The following ERMARD variants were observed in gnomAD, a reference collection of about 807,000 sequenced individuals.
The protein encoded by ERMARD is ER membrane associated RNA degradation.
In ERMARD, 71 loss-of-function variants were observed where a neutral mutation model predicts 83.9. That is an observed-to-expected ratio of 0.85 (90% CI 0.70 to 1.03). ERMARD has a LOEUF of 1.03. ERMARD is among the 50% of genes least tolerant of loss of function. ERMARD has a pLI of 0.00. For synonymous variants in ERMARD, 284 were observed against 298.6 expected, an observed-to-expected ratio of 0.95 and a Z score of 0.50; for missense variants, 838 against 810.9, an observed-to-expected ratio of 1.03 and a Z score of -0.41.
intron 17 of ERMARD, among the ~76,000 whole-genome samples, chr6:169,779,542 T>C (rs960953498): frequency 6.6e-6 from 1 of 152,168 alleles, no homozygotes; most frequent in African/African-American, 2.4e-5. Context: ...TTGCCCATGC[T>C]GGAGTGCAGT....
intron 2 of ERMARD, among the ~76,000 whole-genome samples, chr6:169,754,414 A>G (rs556428555): frequency 5.9e-5 from 9 of 152,212 alleles, no homozygotes; most frequent in Admixed American, 1.3e-4. Context: ...ATTCTTGCAC[A>G]CTTTGGAGCA....
chr6:169,766,979 A>T (rs1054187481), intron 10 of ERMARD: 1 of 274,548 alleles, frequency 3.6e-6, no homozygotes, highest in African/African-American at 2.2e-5. Flanking sequence ...TTGTACAGGA[A>T]ATATTCCCCG....
chr6:169,760,267 G>A (rs960533731), intron 7 of ERMARD, among the ~76,000 whole-genome samples: 17 of 152,176 alleles, frequency 1.1e-4, no homozygotes, highest in African/African-American at 3.9e-4. Context: ...GTTGTATGAT[G>A]TACATTTTCT....
In ERMARD at chr6:169,755,367, A is replaced by G. The variant is rs1790663605; in HGVS notation, c.260A>G (p.Lys87Arg). 2 of 1,614,198 alleles carry G rather than the reference A, an allele frequency of 1.2e-6. No homozygotes were observed. Among genetic ancestry groups the G allele is most frequent in the East Asian group, 4.5e-5 (2 of 44,884 alleles). The change falls in exon 3 of 18, where the codon AAG (lysine) becomes AGG (arginine). Residue 87 changes from lysine to arginine, a missense_variant. Coordinates refer to ENST00000366773, the MANE Select transcript of ERMARD (RefSeq NM_018341.3). ...CATTCACATTTCTTATCTCTGACCAAGGGGCAATTTGAAATTCGATATGCA... is the reference window on the plus strand; with the variant it reads ...CATTCACATTTCTTATCTCTGACCAGGGGGCAATTTGAAATTCGATATGCA... ...AVHSHFLSLT[K>R]GQFEIRYAPW...
Position 169,755,436 on chromosome 6 carries a change from A to T in ERMARD, c.315+14A>T. On this transcript the variant is annotated intron_variant, in intron 3 of 17. Transcript: ENST00000366773. ...AGTTTTCCAGAGGTTTGGCTTTTGA[A>T]CAACCTTTAGAAATAAAAGACTGTG... 2.5e-6 allele frequency: 4 copies of T among 1,613,794 alleles called. No individual in the cohort carries two copies. Among genetic ancestry groups the T allele is most frequent in the Non-Finnish European group, 3.4e-6 (4 of 1,179,900 alleles).
chr6:169,751,462 G>A, upstream of ERMARD: 13 of 1,613,534 alleles, frequency 8.1e-6, no homozygotes, highest in Non-Finnish European at 1.0e-5. Flanking sequence ...TCTCCATCTC[G>A]CTCTGTTCTC....
chr6:169,759,804 C>A, intron 6 of ERMARD, 34 bp from the exon 7 acceptor site: 1 of 1,576,322 alleles, frequency 6.3e-7, no homozygotes, highest in Non-Finnish European at 8.7e-7. Flanking sequence ...TGATTGAGTA[C>A]ATTTTTGTAA....
chr6:169,758,254 C>A (rs554345413), intron 5 of ERMARD, among the ~76,000 whole-genome samples: 2 of 152,338 alleles, frequency 1.3e-5, no homozygotes, highest in African/African-American at 4.8e-5. Flanking sequence ...CATACTTTCT[C>A]CTATGACATG....
intron 3 of ERMARD, chr6:169,755,639 A>T (rs960023657): frequency 5.1e-5 from 28 of 546,488 alleles, no homozygotes; most frequent in Admixed American, 1.8e-4. Context: ...TGAATTCATT[A>T]TCACAGGATT....
At chr6:169,756,577 T>A in intron 4 of ERMARD, 138 bp downstream of exon 4, 1 of 959,238 alleles carries the variant, frequency 1.0e-6, no homozygotes, top group Non-Finnish European at 1.6e-6. Context: ...AATATTTCCC[T>A]TTTGAATGAT....
intron 9 of ERMARD, among the ~76,000 whole-genome samples, chr6:169,766,352 G>A (rs746205114): frequency 1.3e-5 from 2 of 152,242 alleles, no homozygotes; most frequent in Non-Finnish European, 2.9e-5. Flanking sequence ...GCAGCGATTT[G>A]TGAGGGCCTG....
Position 169,756,947 on chromosome 6 carries a change from G to A in ERMARD, c.507+139G>A, listed in dbSNP as rs549596888. ...TGGCTGAGGAGGCCTCAGAATCATGGCAGGAGGAGAAAGACATTTCTAACA... is the reference window on the plus strand; with the variant it reads ...TGGCTGAGGAGGCCTCAGAATCATGACAGGAGGAGAAAGACATTTCTAACA... On this transcript the variant is annotated intron_variant, in intron 5 of 17. Transcript: ENST00000366773. The A allele has an allele frequency of 8.5e-5, 63 of 741,634 alleles. No homozygotes were observed. The African/African-American group carries it at 1.1e-3, about 13-fold the overall frequency. The allele number at this position is 741,634 out of a possible 1,614,324, so 45.9% of individuals were successfully genotyped here. A position where few individuals can be genotyped will look rare whatever the true frequency, so the allele number is the denominator to read the frequency against.
intron 9 of ERMARD, 82 bp downstream of exon 9, chr6:169,762,613 G>T (rs984434220): frequency 8.5e-7 from 1 of 1,182,846 alleles, no homozygotes; most frequent in Non-Finnish European, 1.2e-6. Flanking sequence ...TTTTAAAAAT[G>T]TTATTCTGTT....
At chr6:169,751,727 G>A in intron 1 of ERMARD, 64 bp downstream of exon 1, 1 of 1,496,902 alleles carries the variant, frequency 6.7e-7, no homozygotes, top group Non-Finnish European at 8.9e-7. Context: ...CAGGCTGGGT[G>A]GTGCTCGGCT....
In ERMARD at chr6:169,775,730, T is replaced by C. The variant is rs77404670; in HGVS notation, c.1395-210T>C. On this transcript the variant is annotated intron_variant, in intron 14 of 17. Coordinates refer to ENST00000366773, the MANE Select transcript of ERMARD (RefSeq NM_018341.3). ...GCAGGAAGAATACGCAGGTGGTTCA[T>C]CGTCTCGTCGTCACTGGACTTTGCT... The C allele has an allele frequency of 3.4e-3, 2,166 of 642,630 alleles. 37 individuals are homozygous for C. The African/African-American group carries it at 0.035, about 10-fold the overall frequency. The allele number at this position is 642,630 out of a possible 1,614,324, so 39.8% of individuals were successfully genotyped here. A position where few individuals can be genotyped will look rare whatever the true frequency, so the allele number is the denominator to read the frequency against.
chr6:169,781,206 A>G (rs1794161726), intron 17 of ERMARD, 124 bp from the exon 18 acceptor site: 1 of 856,662 alleles, frequency 1.2e-6, no homozygotes, highest in Non-Finnish European at 1.7e-6. Flanking sequence ...ATTTTTCTTG[A>G]ATCCTCAGAC....
At chr6:169,752,432 A>T (rs1203391810) in intron 1 of ERMARD, among the ~76,000 whole-genome samples, 3 of 152,230 alleles carry the variant, frequency 2.0e-5, no homozygotes, top group African/African-American at 7.2e-5. Context: ...GCACCGGCCC[A>T]GTGTAGTCTG....
chr6:169,751,376 C>T (rs775968287), upstream of ERMARD: 1 of 1,614,052 alleles, frequency 6.2e-7, no homozygotes, highest in African/African-American at 1.3e-5. Context: ...CCTTTCTTTC[C>T]TAGGCGTCAC....
At chr6:169,766,558 A>T in intron 9 of ERMARD, 80 bp from the exon 10 acceptor site, 1 of 1,216,130 alleles carries the variant, frequency 8.2e-7, no homozygotes, top group South Asian at 1.6e-5. Flanking sequence ...ATGTACCAGA[A>T]TTTTTTCTTA....
Sources: gnomAD v4.1 joint callset for allele counts (sites outside exome capture counted in the v4.1 genomes callset) on GRCh38, gnomAD v4.1.1 for gene constraint, MANE v1.5 for transcripts, NCBI Gene and HGNC (gene_info 2026-07-23, HGNC 2026-07-21) for gene names.